The following C9orf85 variants were observed in gnomAD, a reference collection of about 807,000 sequenced individuals.
C9orf85 encodes chromosome 9 open reading frame 85.
Under a neutral mutation model 14.9 loss-of-function variants are expected in C9orf85, and 16 were observed. The observed-to-expected ratio is 1.08, with a 90% CI of 0.73 to 1.63. The LOEUF (loss-of-function observed/expected upper bound fraction) is 1.63. Among genes scored for constraint, C9orf85 ranks in the 40% most tolerant of loss-of-function variants. C9orf85 has a pLI of 0.00. For missense variants in C9orf85, 172 were observed against 186.1 expected (o/e 0.92, Z 0.44); for synonymous variants, 45 against 56.8 (o/e 0.79, Z 0.93).
intron 2 of C9orf85, among the ~76,000 whole-genome samples, chr9:71,970,653 G>A (rs1444557756): frequency 6.6e-6 from 1 of 151,960 alleles, no homozygotes; most frequent in Admixed American, 6.6e-5. Context: ...ACATTTTATT[G>A]TTCCTTTTCA....
At chr9:71,939,082 T>G (rs199958137) in intron 1 of C9orf85, among the ~76,000 whole-genome samples, 2 of 2,030 alleles carry the variant, frequency 9.9e-4, no homozygotes, top group Non-Finnish European at 0.026. Flanking sequence ...TTTATAAAAT[T>G]TCTATATTTT....
intron 2 of C9orf85, among the ~76,000 whole-genome samples, chr9:71,963,946 G>A (rs1316529093): frequency 6.6e-6 from 1 of 152,218 alleles, no homozygotes; most frequent in Non-Finnish European, 1.5e-5. Context: ...GGACTGGCAG[G>A]CAGCTCCATC....
rs986245795 is a variant in C9orf85 at position 71,973,296 on chromosome 9, T to A, written c.*454T>A. On this transcript the variant is annotated 3_prime_UTR_variant, in exon 4 of 4. Transcript: ENST00000334731. ...AATTTCATACATGAACAATATAAAT[T>A]GTGTATATTACTTAACATCAAACTA... is the stretch of plus-strand genomic sequence containing the variant. The A allele has an allele frequency of 2.6e-5, 4 of 152,192 alleles. No homozygotes were observed. The highest frequency in any genetic ancestry group is 4.4e-5 in the Non-Finnish European group (3 of 68,068). The allele number at this position is 152,192 out of a possible 1,614,324, so 9.4% of individuals were successfully genotyped here.
intron 2 of C9orf85, among the ~76,000 whole-genome samples, chr9:71,953,797 T>TA (rs1247778931): frequency 1.3e-5 from 2 of 151,754 alleles, no homozygotes; most frequent in Non-Finnish European, 2.9e-5. Flanking sequence ...ACCAGTGGTT[T>TA]AAAAAAAAGT....
At chr9:71,941,539 A>G (rs1234534197) in intron 1 of C9orf85, among the ~76,000 whole-genome samples, 1 of 152,266 alleles carries the variant, frequency 6.6e-6, no homozygotes, top group African/African-American at 2.4e-5. Context: ...AATGAGTTAA[A>G]TTACAGCATG....
downstream of C9orf85, chr9:71,984,557 G>C (rs936789579): frequency 6.6e-6 from 1 of 152,308 alleles, no homozygotes; most frequent in African/African-American, 2.4e-5. Context: ...ACTAAGGCAG[G>C]CCAAAATGGC....
intron 1 of C9orf85, among the ~76,000 whole-genome samples, chr9:71,939,185 T>A (rs1307357771): frequency 6.6e-6 from 1 of 151,814 alleles, no homozygotes; most frequent in Non-Finnish European, 1.5e-5. Flanking sequence ...CAGTAAAAAA[T>A]AATATATATA....
At chr9:71,912,716 A>G (rs1055047563) in intron 1 of C9orf85, among the ~76,000 whole-genome samples, 2 of 152,002 alleles carry the variant, frequency 1.3e-5, no homozygotes, top group African/African-American at 4.8e-5. Context: ...GAAACTCCCA[A>G]TCTGCTAAAA....
At chr9:71,928,880 A>G (rs943266384) in intron 1 of C9orf85, among the ~76,000 whole-genome samples, 1 of 152,160 alleles carries the variant, frequency 6.6e-6, no homozygotes, top group Admixed American at 6.5e-5. Context: ...TATTCTTGTC[A>G]TCAAAATCCT....
chr9:71,972,491 T>C (rs1209961500), intron 3 of C9orf85, among the ~76,000 whole-genome samples: 2 of 152,254 alleles, frequency 1.3e-5, no homozygotes, highest in Non-Finnish European at 2.9e-5. Context: ...ACCCCTGGCC[T>C]CAGGTGATCT....
chr9:71,980,722 T>C (rs981474387), intron 3 of C9orf85, among the ~76,000 whole-genome samples: 1 of 152,156 alleles, frequency 6.6e-6, no homozygotes, highest in African/African-American at 2.4e-5. Flanking sequence ...AAAAACATTC[T>C]GAGCTCACTA....
chr9:71,949,308 C>A (rs1822183357), intron 2 of C9orf85, among the ~76,000 whole-genome samples: 1 of 152,176 alleles, frequency 6.6e-6, no homozygotes, highest in African/African-American at 2.4e-5. Flanking sequence ...GTATTTAAAT[C>A]TCTTACCTTT....
chr9:71,963,400 G>A (rs1009389688), intron 2 of C9orf85, among the ~76,000 whole-genome samples: 1 of 152,076 alleles, frequency 6.6e-6, no homozygotes, highest in South Asian at 2.1e-4. Context: ...GCCCTCGCTC[G>A]CTCTCGGTGC....
At chr9:71,926,756 T>C (rs1244818374) in intron 1 of C9orf85, among the ~76,000 whole-genome samples, 4 of 152,018 alleles carry the variant, frequency 2.6e-5, no homozygotes, top group Non-Finnish European at 5.9e-5. Flanking sequence ...AATTAGTGAT[T>C]TGGGAGATCA....
intron 1 of C9orf85, among the ~76,000 whole-genome samples, chr9:71,932,728 TAAAAG>T (rs1335464815): frequency 3.3e-5 from 5 of 151,916 alleles, no homozygotes; most frequent in Non-Finnish European, 2.9e-5. Context: ...TCATAAGGCA[TAAAAG>T]AAAAGGAAAA....
At chr9:71,973,954 T>C (rs1363915514), downstream of C9orf85, among the ~76,000 whole-genome samples, 1 of 151,518 alleles carries the variant, frequency 6.6e-6, no homozygotes, top group African/African-American at 2.4e-5. Flanking sequence ...GAGACAGAGT[T>C]TCACTCTTGT....
chr9:71,936,819 T>C (rs575261342), intron 1 of C9orf85, among the ~76,000 whole-genome samples: 1 of 148,176 alleles, frequency 6.7e-6, no homozygotes, highest in Admixed American at 6.9e-5. Flanking sequence ...TCACCAGTGG[T>C]ATGATCACAG....
intron 2 of C9orf85, among the ~76,000 whole-genome samples, chr9:71,963,556 G>A (rs1822586236): frequency 6.6e-6 from 1 of 152,222 alleles, no homozygotes; most frequent in African/African-American, 2.4e-5. Flanking sequence ...GCGTGAGCGG[G>A]AACCCGGGCT....
chr9:71,983,961 T>C (rs2132382788), downstream of C9orf85: 1 of 152,316 alleles, frequency 6.6e-6, no homozygotes, highest in South Asian at 2.1e-4. Context: ...GAGGAGGTGA[T>C]TCAATCAGGG....
Sources: gnomAD v4.1 joint callset for allele counts (sites outside exome capture counted in the v4.1 genomes callset) on GRCh38, gnomAD v4.1.1 for gene constraint, MANE v1.5 for transcripts, NCBI Gene and HGNC (gene_info 2026-07-23, HGNC 2026-07-21) for gene names.